EBF2: variants seen among roughly 807,000 people sequenced by gnomAD.
EBF2 encodes the protein transcription factor COE2.
In EBF2, 21 loss-of-function variants were observed where a neutral mutation model predicts 72.8. That is an observed-to-expected ratio of 0.29 (90% CI 0.20 to 0.42). The LOEUF is 0.42. Ranked by LOEUF, EBF2 falls within the 10% of genes least tolerant of loss-of-function variation. The pLI is 1.00. For synonymous variants in EBF2, 299 were observed against 274.2 expected, an observed-to-expected ratio of 1.09 and a Z score of -0.89; for missense variants, 637 against 731.2, an observed-to-expected ratio of 0.87 and a Z score of 1.49.
intron 6 of EBF2, among the ~76,000 whole-genome samples, chr8:25,972,049 A>G (rs537790089): frequency 1.3e-5 from 2 of 152,332 alleles, no homozygotes; most frequent in Admixed American, 1.3e-4. Flanking sequence ...AGCTGGCTCC[A>G]GCTGACAAGA....
chr8:25,878,628 G>T (rs994020466), intron 10 of EBF2, among the ~76,000 whole-genome samples: 3 of 152,182 alleles, frequency 2.0e-5, no homozygotes, highest in Non-Finnish European at 4.4e-5. Flanking sequence ...GTGGTACTTC[G>T]CTCAGTAACC....
At chr8:26,001,841 A>T (rs947990694) in intron 6 of EBF2, among the ~76,000 whole-genome samples, 1 of 151,744 alleles carries the variant, frequency 6.6e-6, no homozygotes, top group Non-Finnish European at 1.5e-5. Flanking sequence ...GAGCCACCAC[A>T]CCCAGCCCTG....
Position 25,922,954 on chromosome 8 carries a change from GA to G in EBF2, c.552-14400del, listed in dbSNP as rs34525953. Among the ~76,000 whole-genome samples the G allele has an allele frequency of 3.0e-3, 426 of 141,654 alleles. 1 individual carries two copies. The highest frequency in any genetic ancestry group is 0.012 in the Middle Eastern group (3 of 246). 92.9% of individuals were successfully genotyped at this position (141,654 alleles called of 152,430 possible). On this transcript the variant is annotated intron_variant, in intron 6 of 15. Transcript: ENST00000520164. ...GAATAATGGAATACAACTACTAAAG[GA>G]AAAAAAAAAAAAAATTCATCCGTTG...
chr8:26,028,481 A>T lies in EBF2; in HGVS notation c.551+4604T>A, dbSNP rs528144321. ...TTCAAAATAAATTATTGCCCTCTCT[A>T]TCCATCTGACTTTTTATGGGGCTGA... is the stretch of plus-strand genomic sequence containing the variant. On this transcript the variant is annotated intron_variant, in intron 6 of 15. Coordinates refer to ENST00000520164, the MANE Select transcript of EBF2 (RefSeq NM_022659.4). Among the ~76,000 whole-genome samples the T allele has an allele frequency of 3.3e-5, 5 of 152,306 alleles. No individual in the cohort carries two copies. The East Asian group carries it at 9.6e-4, about 29-fold the overall frequency.
rs531242839 is a variant in EBF2, at chr8:25,842,613, C to T, written c.*1996G>A. On this transcript the variant is annotated 3_prime_UTR_variant, in exon 16 of 16. Transcript: ENST00000520164. ...TGGGGGACTTTTTCTCTTATGTTTC[C>T]GTGTATTTTGGCGCTTTAAGCCCTG... 5.9e-5 allele frequency: 9 copies of T among 152,174 alleles called. No homozygotes were observed. The highest frequency in any genetic ancestry group is 2.1e-4 in the South Asian group (1 of 4,820). 9.4% of individuals were successfully genotyped at this position (152,174 alleles called of 1,614,324 possible).
intron 6 of EBF2, among the ~76,000 whole-genome samples, chr8:25,949,998 C>G (rs545287401): frequency 2.8e-4 from 43 of 152,248 alleles, no homozygotes; most frequent in African/African-American, 1.0e-3. Flanking sequence ...AAGCACGAGG[C>G]CAAGGAGATC....
intron 6 of EBF2, among the ~76,000 whole-genome samples, chr8:25,922,347 A>G (rs974933612): frequency 5.3e-4 from 81 of 152,208 alleles, no homozygotes; most frequent in African/African-American, 1.9e-3. Context: ...AAAAATTAGC[A>G]TTTATTTTAG....
chr8:25,981,630 T>C (rs1804362865), intron 6 of EBF2, among the ~76,000 whole-genome samples: 1 of 152,004 alleles, frequency 6.6e-6, no homozygotes, highest in African/African-American at 2.4e-5. Context: ...ATCCCGTCTC[T>C]ACTAAAAATT....
chr8:25,976,542 G>GT (rs1804271236), intron 6 of EBF2, among the ~76,000 whole-genome samples: 1 of 152,138 alleles, frequency 6.6e-6, no homozygotes, highest in Non-Finnish European at 1.5e-5. Context: ...ATGATTTCCT[G>GT]TATTTCTTCT....
chr8:25,965,975 A>T (rs370781055), intron 6 of EBF2, among the ~76,000 whole-genome samples: 1 of 152,338 alleles, frequency 6.6e-6, no homozygotes, highest in South Asian at 2.1e-4. Context: ...GCACTCTATG[A>T]ACAAGGAATC....
chr8:26,006,828 C>A (rs1385730), intron 6 of EBF2, among the ~76,000 whole-genome samples: 1 of 152,134 alleles, frequency 6.6e-6, no homozygotes, highest in South Asian at 2.1e-4. Flanking sequence ...CTTTAAAGGC[C>A]GTGGGACTGA....
chr8:26,038,860 G>A (rs1410687021), intron 5 of EBF2, among the ~76,000 whole-genome samples: 4 of 152,212 alleles, frequency 2.6e-5, no homozygotes, highest in Admixed American at 1.3e-4. Context: ...TCCTGACTGG[G>A]TTGGGGAGGG....
intron 5 of EBF2, among the ~76,000 whole-genome samples, chr8:26,038,858 G>A (rs1372596905): frequency 1.3e-5 from 2 of 152,204 alleles, no homozygotes; most frequent in Non-Finnish European, 2.9e-5. Flanking sequence ...CTTCCTGACT[G>A]GGTTGGGGAG....
intron 6 of EBF2, among the ~76,000 whole-genome samples, chr8:25,913,041 G>T (rs884152): frequency 0.53 from 80,473 of 152,030 alleles, 23,839 homozygotes; most frequent in East Asian, 0.74. Flanking sequence ...CAATGGTCTA[G>T]CACAAAACCC....
At chr8:25,967,527 G>A (rs1346265566) in intron 6 of EBF2, among the ~76,000 whole-genome samples, 5 of 152,178 alleles carry the variant, frequency 3.3e-5, no homozygotes, top group African/African-American at 1.2e-4. Flanking sequence ...ATAATAAAGT[G>A]TTGAAAAGCT....
At chr8:26,002,662 A>T (rs2117221711) in intron 6 of EBF2, among the ~76,000 whole-genome samples, 1 of 152,240 alleles carries the variant, frequency 6.6e-6, no homozygotes, top group East Asian at 1.9e-4. Flanking sequence ...AGGGAATTAG[A>T]CTTCTTTTCC....
chr8:25,863,957 CTTTTA>C (rs1563380274), intron 10 of EBF2, among the ~76,000 whole-genome samples: 1 of 152,066 alleles, frequency 6.6e-6, no homozygotes, highest in Non-Finnish European at 1.5e-5. Context: ...ATTAACTATT[CTTTTA>C]TAACATTATT....
At chr8:25,966,801 C>A (rs1804122179) in intron 6 of EBF2, among the ~76,000 whole-genome samples, 1 of 152,148 alleles carries the variant, frequency 6.6e-6, no homozygotes, top group Non-Finnish European at 1.5e-5. Context: ...AGCCAGCATG[C>A]TGGGGTGTAT....
At chr8:25,899,959 C>T (rs1373406385) in intron 7 of EBF2, among the ~76,000 whole-genome samples, 6 of 152,176 alleles carry the variant, frequency 3.9e-5, no homozygotes, top group African/African-American at 1.2e-4. Flanking sequence ...CCACACCGGG[C>T]GCTTCTTCTT....
Sources: allele counts gnomAD v4.1 joint callset (sites outside exome capture counted in the v4.1 genomes callset), GRCh38; gene constraint gnomAD v4.1.1; transcripts MANE v1.5; gene names NCBI Gene and HGNC (gene_info 2026-07-23, HGNC 2026-07-21).